Variants in CHRM3 observed in about 807,000 individuals in gnomAD.
CHRM3 encodes cholinergic receptor muscarinic 3, also known as muscarinic acetylcholine receptor M3.
Under a neutral mutation model 41.8 loss-of-function variants are expected in CHRM3, and 11 were observed. The observed-to-expected ratio is 0.26, with a 90% CI of 0.17 to 0.44. CHRM3 has a LOEUF of 0.44. CHRM3 is among the 20% of genes least tolerant of loss of function. The pLI, the probability that CHRM3 is intolerant of heterozygous loss-of-function variation, is 1.00. For missense variants in CHRM3, 571 were observed against 745.4 expected (o/e 0.77, Z 2.72); for synonymous variants, 297 against 301.4 (o/e 0.99, Z 0.15).
intron 1 of CHRM3, among the ~76,000 whole-genome samples, chr1:239,404,448 AAGAAAGAAAGAAAGAAAGAAAAAG>A (rs1558196055): frequency 9.3e-5 from 13 of 139,972 alleles, no homozygotes; most frequent in African/African-American, 3.2e-4. Context: ...GAAAGAAAGA[AAGAAAGAAAGAAAGAAAGAAAAAG>A]AAAGAAAGAA....
At chr1:239,442,457 T>A (rs909280959) in intron 1 of CHRM3, among the ~76,000 whole-genome samples, 46 of 152,266 alleles carry the variant, frequency 3.0e-4, no homozygotes, top group African/African-American at 9.6e-4. Context: ...AACCCTTTTT[T>A]TTTTTTCTTT....
intron 1 of CHRM3, among the ~76,000 whole-genome samples, chr1:239,453,760 A>C (rs1346980883): frequency 1.3e-5 from 2 of 152,180 alleles, no homozygotes; most frequent in Non-Finnish European, 2.9e-5. Context: ...GCAGATCCCA[A>C]GGTGGATTTA....
chr1:239,652,122 C>T (rs1361171958), intron 4 of CHRM3, among the ~76,000 whole-genome samples: 3 of 152,010 alleles, frequency 2.0e-5, no homozygotes, highest in Non-Finnish European at 4.4e-5. Flanking sequence ...TTGTTCAAGG[C>T]TCAGCTTTTT....
At chr1:239,557,952 C>T (rs1271817972) in intron 3 of CHRM3, among the ~76,000 whole-genome samples, 2 of 152,128 alleles carry the variant, frequency 1.3e-5, no homozygotes, top group Non-Finnish European at 2.9e-5. Context: ...CCTACATGTG[C>T]ATGTATCTTT....
chr1:239,658,379 C>G (rs1169575595), intron 4 of CHRM3, among the ~76,000 whole-genome samples: 1 of 152,160 alleles, frequency 6.6e-6, no homozygotes, highest in East Asian at 1.9e-4. Context: ...TTGGACTCAA[C>G]TAGAAAGAAT....
At chr1:239,836,248 AC>A (rs1474721251) in intron 6 of CHRM3, among the ~76,000 whole-genome samples, 2 of 152,326 alleles carry the variant, frequency 1.3e-5, no homozygotes, top group East Asian at 3.9e-4. Flanking sequence ...TACTTCAAAA[AC>A]AAAGTCTTAT....
At chr1:239,413,553 G>T (rs1006096876) in intron 1 of CHRM3, among the ~76,000 whole-genome samples, 2 of 152,172 alleles carry the variant, frequency 1.3e-5, no homozygotes, top group Non-Finnish European at 2.9e-5. Context: ...CTCCTAAATT[G>T]CTGGGATTAC....
intron 4 of CHRM3, among the ~76,000 whole-genome samples, chr1:239,667,142 C>T (rs185920129): frequency 7.0e-4 from 107 of 152,144 alleles, no homozygotes; most frequent in African/African-American, 2.4e-3. Flanking sequence ...CTTTGTATCA[C>T]GAATTGCTTA....
chr1:239,771,546 CT>C (rs1667673338), intron 5 of CHRM3, among the ~76,000 whole-genome samples: 1 of 152,218 alleles, frequency 6.6e-6, no homozygotes, highest in African/African-American at 2.4e-5. Flanking sequence ...GACAAAATAA[CT>C]GTGTGACCTA....
chr1:239,820,610 T>C (rs1477239753), intron 5 of CHRM3, among the ~76,000 whole-genome samples: 2 of 152,132 alleles, frequency 1.3e-5, no homozygotes, highest in Non-Finnish European at 2.9e-5. Context: ...TTAGAGAGAC[T>C]TTGAGGCTTT....
intron 6 of CHRM3, chr1:239,897,982 G>C (rs1384422185): frequency 6.6e-6 from 1 of 152,026 alleles, no homozygotes; most frequent in African/African-American, 2.4e-5. Context: ...CGAGGGAGGA[G>C]GCAGCAAGAT....
intron 3 of CHRM3, among the ~76,000 whole-genome samples, chr1:239,573,552 CTA>C (rs1330919802): frequency 1.3e-5 from 2 of 152,004 alleles, no homozygotes; most frequent in African/African-American, 4.8e-5. Context: ...TGTGCATAGC[CTA>C]TATTGAAATC....
intron 2 of CHRM3, among the ~76,000 whole-genome samples, chr1:239,529,903 A>T (rs1049470718): frequency 2.9e-4 from 44 of 151,560 alleles, no homozygotes; most frequent in African/African-American, 9.9e-4. Context: ...TATTATTATT[A>T]TTATTTTTTT....
At chr1:239,612,331 T>C (rs1390687802) in intron 3 of CHRM3, among the ~76,000 whole-genome samples, 1 of 152,260 alleles carries the variant, frequency 6.6e-6, no homozygotes, top group East Asian at 1.9e-4. Flanking sequence ...TATTAACTGC[T>C]ATGTAGCTGA....
chr1:239,505,381 A>G (rs1668503147), intron 2 of CHRM3, among the ~76,000 whole-genome samples: 1 of 151,998 alleles, frequency 6.6e-6, no homozygotes, highest in African/African-American at 2.4e-5. Flanking sequence ...ACCTGGCAGG[A>G]GGTAATTGAA....
intron 5 of CHRM3, among the ~76,000 whole-genome samples, chr1:239,696,082 G>C (rs761463547): frequency 6.6e-6 from 1 of 152,096 alleles, no homozygotes; most frequent in Non-Finnish European, 1.5e-5. Context: ...GCTTGAAGTC[G>C]TAAGACATGA....
At chr1:239,850,957 T>C (rs577960944) in intron 6 of CHRM3, among the ~76,000 whole-genome samples, 1 of 152,282 alleles carries the variant, frequency 6.6e-6, no homozygotes, top group East Asian at 1.9e-4. Flanking sequence ...AGGTTTCCAA[T>C]TATGGGATAT....
At chr1:239,423,225 A>G (rs1662097888) in intron 1 of CHRM3, among the ~76,000 whole-genome samples, 1 of 152,224 alleles carries the variant, frequency 6.6e-6, no homozygotes, top group Non-Finnish European at 1.5e-5. Context: ...CTTTTAGAAC[A>G]TGCATTAAAA....
chr1:239,575,939 T>C (rs1032183703), intron 3 of CHRM3, among the ~76,000 whole-genome samples: 1 of 152,118 alleles, frequency 6.6e-6, no homozygotes, highest in Non-Finnish European at 1.5e-5. Flanking sequence ...TCTGTACCCA[T>C]TAAACAATAA....
Sources: allele counts gnomAD v4.1 joint callset (sites outside exome capture counted in the v4.1 genomes callset), GRCh38; gene constraint gnomAD v4.1.1; transcripts MANE v1.5; gene names NCBI Gene and HGNC (gene_info 2026-07-23, HGNC 2026-07-21).